The following PCNX1 variants were observed in gnomAD, a reference collection of about 807,000 sequenced individuals.
The protein encoded by PCNX1 is pecanex-like protein 1.
In PCNX1, 78 loss-of-function variants were observed where a neutral mutation model predicts 242.2. The ratio of observed to expected loss-of-function variants is 0.32; its 90% confidence interval spans 0.27 to 0.39. The LOEUF (loss-of-function observed/expected upper bound fraction) is 0.39, where lower values mean the gene tolerates loss of function less well. PCNX1 is among the 10% of genes least tolerant of loss of function. The pLI, the probability that PCNX1 is intolerant of heterozygous loss-of-function variation, is 1.00. For missense variants in PCNX1, 2,581 were observed against 2,856.5 expected, an observed-to-expected ratio of 0.90 and a Z score of 2.20; for synonymous variants, 1,024 against 1,032.9, an observed-to-expected ratio of 0.99 and a Z score of 0.17.
At chr14:70,937,072 G>A (rs1339499810) in intron 1 of PCNX1, among the ~76,000 whole-genome samples, 8 of 151,684 alleles carry the variant, frequency 5.3e-5, no homozygotes, top group South Asian at 2.1e-4. Context: ...ATTTTCTCCC[G>A]TTCTGTAGGT....
intron 15 of PCNX1, chr14:71,027,350 A>G (rs2060267954): frequency 6.6e-6 from 1 of 152,210 alleles, no homozygotes; most frequent in Admixed American, 6.6e-5. Context: ...GTATTTTAGT[A>G]ATAAATAAGT....
chr14:70,972,278 A>AG (rs1410266145), intron 5 of PCNX1, among the ~76,000 whole-genome samples: 3 of 145,134 alleles, frequency 2.1e-5, no homozygotes, highest in Non-Finnish European at 4.5e-5. Context: ...GGGGTAAGTT[A>AG]GGGGGTTCAG....
Position 70,942,135 on chromosome 14 carries a change from G to A in PCNX1, c.154-4780G>A, listed in dbSNP as rs144714137. On this transcript the variant is annotated intron_variant, in intron 1 of 35. Coordinates refer to ENST00000304743, the MANE Select transcript of PCNX1 (RefSeq NM_014982.3). ...TTACACTCTGTGGGCTGTACCCACC[G>A]TCCGACAGGCCCCAGTGAGGTGAAC... is the stretch of plus-strand genomic sequence containing the variant. Among the ~76,000 whole-genome samples the A allele has an allele frequency of 3.9e-3, 597 of 152,174 alleles. 5 individuals are homozygous for A. The highest frequency in any genetic ancestry group is 0.013 in the African/African-American group (532 of 41,520).
intron 28 of PCNX1, among the ~76,000 whole-genome samples, chr14:71,084,913 CTCGGTG>C (rs2061946062): frequency 6.6e-6 from 1 of 152,202 alleles, no homozygotes; most frequent in African/African-American, 2.4e-5. Flanking sequence ...TGGCAGTTAG[CTCGGTG>C]TCTGCCCAAA....
intron 24 of PCNX1, chr14:71,053,256 C>CT (rs767643846): frequency 1.6e-4 from 74 of 450,088 alleles, no homozygotes; most frequent in East Asian, 4.2e-4. Flanking sequence ...CCTTTATACT[C>CT]TTTTTTTTTC....
At chr14:70,946,038 C>T (rs867400835) in intron 1 of PCNX1, among the ~76,000 whole-genome samples, 5 of 152,336 alleles carry the variant, frequency 3.3e-5, no homozygotes, top group African/African-American at 1.2e-4. Context: ...AGCCTGCCAC[C>T]TGTGGACTCA....
At chr14:71,027,800 A>G (rs1318731509) in intron 15 of PCNX1, among the ~76,000 whole-genome samples, 1 of 151,924 alleles carries the variant, frequency 6.6e-6, no homozygotes, top group Non-Finnish European at 1.5e-5. Context: ...TTAAGACAGA[A>G]CTGGTTTCAT....
chr14:71,060,353 T>A (rs1461750088), intron 26 of PCNX1, among the ~76,000 whole-genome samples: 2 of 152,226 alleles, frequency 1.3e-5, no homozygotes, highest in African/African-American at 4.8e-5. Context: ...CTATACTTTT[T>A]ATGGTTAGAA....
chr14:71,004,900 T>C (rs1185377714), intron 8 of PCNX1, among the ~76,000 whole-genome samples: 1 of 152,200 alleles, frequency 6.6e-6, no homozygotes, highest in Non-Finnish European at 1.5e-5. Flanking sequence ...CAAATGTCTT[T>C]TAAAAACTCA....
At chr14:70,908,853 CTG>C (rs147722338) in intron 1 of PCNX1, among the ~76,000 whole-genome samples, 5,300 of 152,262 alleles carry the variant, frequency 0.035, 280 homozygotes, top group African/African-American at 0.12. Flanking sequence ...TCTGAATCAT[CTG>C]TGTTTTTAAA....
chr14:70,981,148 A>G (rs2058827733), intron 6 of PCNX1, among the ~76,000 whole-genome samples: 1 of 152,124 alleles, frequency 6.6e-6, no homozygotes, highest in Non-Finnish European at 1.5e-5. Flanking sequence ...AGATGATTAT[A>G]GTATCTATCT....
intron 28 of PCNX1, among the ~76,000 whole-genome samples, chr14:71,087,161 CTCTTT>C (rs1041796866): frequency 6.6e-6 from 1 of 152,156 alleles, no homozygotes; most frequent in African/African-American, 2.4e-5. Context: ...TACACCCACT[CTCTTT>C]TATTTTTCTT....
chr14:70,948,811 C>T (rs1485349782), intron 2 of PCNX1, among the ~76,000 whole-genome samples: 1 of 145,526 alleles, frequency 6.9e-6, no homozygotes. Context: ...TATAAATCAG[C>T]ATTTATTTTT....
At chr14:70,929,636 GA>G (rs36123215) in intron 1 of PCNX1, among the ~76,000 whole-genome samples, 1 of 152,086 alleles carries the variant, frequency 6.6e-6, no homozygotes, top group Non-Finnish European at 1.5e-5. Context: ...TGTGATGAGT[GA>G]AAAAAAGAAA....
At chr14:70,941,311 T>C (rs543526850) in intron 1 of PCNX1, among the ~76,000 whole-genome samples, 38 of 152,334 alleles carry the variant, frequency 2.5e-4, no homozygotes, top group African/African-American at 8.9e-4. Context: ...GGGGTTTTGG[T>C]GTGGATGTCC....
At chr14:71,089,142 A>C (rs371304953) in intron 29 of PCNX1, 50 bp from the exon 30 acceptor site, 1 of 1,418,222 alleles carries the variant, frequency 7.1e-7, no homozygotes, top group Non-Finnish European at 9.8e-7. Flanking sequence ...AATCAGTGTC[A>C]TGGAAGACCT....
At chr14:71,071,454 G>A (rs909469160) in intron 26 of PCNX1, among the ~76,000 whole-genome samples, 33 of 152,146 alleles carry the variant, frequency 2.2e-4, no homozygotes, top group African/African-American at 7.5e-4. Context: ...GAGGGGTTTG[G>A]TGGGATGTGA....
At chr14:71,048,186 C>G (rs1255957863) in intron 22 of PCNX1, among the ~76,000 whole-genome samples, 1 of 151,898 alleles carries the variant, frequency 6.6e-6, no homozygotes, top group Non-Finnish European at 1.5e-5. Context: ...CTTGCTATAG[C>G]TAAGAAGATA....
At chr14:70,996,888 T>C (rs1192372940) in intron 8 of PCNX1, among the ~76,000 whole-genome samples, 2 of 152,190 alleles carry the variant, frequency 1.3e-5, no homozygotes, top group Non-Finnish European at 2.9e-5. Flanking sequence ...TTGACTCTTT[T>C]TTCTATTTTG....
Sources: gnomAD v4.1 joint callset for allele counts (sites outside exome capture counted in the v4.1 genomes callset) on GRCh38, gnomAD v4.1.1 for gene constraint, MANE v1.5 for transcripts, NCBI Gene and HGNC (gene_info 2026-07-23, HGNC 2026-07-21) for gene names.